SLC16A4: variants seen among roughly 807,000 people sequenced by gnomAD.
SLC16A4 encodes probable monocarboxylate transporter 5.
SLC16A4 carries 39 observed loss-of-function variants against 47.9 expected under a neutral mutation model. The ratio of observed to expected loss-of-function variants is 0.81; its 90% CI spans 0.63 to 1.06. SLC16A4 has a LOEUF of 1.06. Ranked by LOEUF, SLC16A4 falls within the 50% of genes least tolerant of loss-of-function variation. The pLI is 0.00. For synonymous variants in SLC16A4, 189 were observed against 199.9 expected (o/e 0.95, Z 0.46); for missense variants, 524 against 573.8 (o/e 0.91, Z 0.89).
rs148510648 is a variant in SLC16A4 at position 110,379,221 on chromosome 1, T to G, written c.662A>C (p.Glu221Ala). The G allele has an allele frequency of 1.5e-4, 235 of 1,614,102 alleles. No homozygotes were observed. The highest frequency in any genetic ancestry group is 8.2e-4 in the Middle Eastern group (5 of 6,084). ...GCAGTGTGTTTCTGTTGCATGTGCC[T>G]CTGGACCATGTGCAGACAAACTGCT... The part of the protein sequence containing the change: ...KGSSLSAHGP[E>A]AHATETHCHE... The change falls in exon 6 of 9, where the codon GAG (glutamate) becomes GCG (alanine). Residue 221 changes from glutamate to alanine, a missense_variant. Glu to Ala is a moderately radical substitution (Grantham distance 107). Transcript: ENST00000369779.
intron 8 of SLC16A4, chr1:110,372,702 G>A (rs982606786): frequency 3.3e-5 from 5 of 152,148 alleles, no homozygotes; most frequent in African/African-American, 1.2e-4. Flanking sequence ...AGCACGTCCT[G>A]GACTAAAAAT....
At chr1:110,374,547 G>A (rs1661878193) in intron 8 of SLC16A4, among the ~76,000 whole-genome samples, 1 of 152,222 alleles carries the variant, frequency 6.6e-6, no homozygotes, top group Non-Finnish European at 1.5e-5. Flanking sequence ...CCTGTGGTGT[G>A]TGAGAAACTA....
chr1:110,366,402 C>T (rs772080634), intron 8 of SLC16A4, among the ~76,000 whole-genome samples: 15 of 152,026 alleles, frequency 9.9e-5, no homozygotes, highest in African/African-American at 2.4e-4. Flanking sequence ...TCAGGTGATC[C>T]GCCTGCCTCA....
intron 1 of SLC16A4, among the ~76,000 whole-genome samples, 163 bp from the exon 2 acceptor site, chr1:110,389,518 A>T (rs1662917038): frequency 6.6e-6 from 1 of 152,244 alleles, no homozygotes; most frequent in Non-Finnish European, 1.5e-5. Flanking sequence ...CAAAAATTGA[A>T]CTACCATTTG....
chr1:110,386,160 G>C (rs181819092), intron 2 of SLC16A4, among the ~76,000 whole-genome samples: 1 of 152,156 alleles, frequency 6.6e-6, no homozygotes, highest in Non-Finnish European at 1.5e-5. Flanking sequence ...TGGTGTCTGC[G>C]TGTAGCAGCA....
intron 8 of SLC16A4, among the ~76,000 whole-genome samples, chr1:110,367,858 TCA>T (rs1661476084): frequency 6.6e-6 from 1 of 152,084 alleles, no homozygotes; most frequent in South Asian, 2.1e-4. Flanking sequence ...GAGAGGAATC[TCA>T]CTCTGTTGCC....
intron 2 of SLC16A4, among the ~76,000 whole-genome samples, chr1:110,385,071 C>T (rs912995784): frequency 6.6e-6 from 1 of 152,108 alleles, no homozygotes; most frequent in Non-Finnish European, 1.5e-5. Context: ...ATTCCACTTT[C>T]TCGGCCCGCC....
At chr1:110,380,677 G>A (rs1282583070) in intron 5 of SLC16A4, among the ~76,000 whole-genome samples, 1 of 151,990 alleles carries the variant, frequency 6.6e-6, no homozygotes, top group African/African-American at 2.4e-5. Context: ...CAGAAGTATC[G>A]CTTTTACTGC....
In SLC16A4 at chr1:110,373,676, ATTTTTTT is replaced by A. The variant is rs1237142099; in HGVS notation, c.1336+1775_1336+1781del. 4.4e-5 allele frequency among the ~76,000 whole-genome samples: 6 copies of A among 134,842 alleles called. No individual in the cohort carries two copies. In the South Asian group the frequency reaches 1.4e-3, roughly 32 times the overall value. The allele number at this position is 134,842 out of a possible 152,430, so 88.5% of individuals were successfully genotyped here. A position where few individuals can be genotyped will look rare whatever the true frequency, so the allele number is the denominator to read the frequency against. ...GGCATATTTTTTGTTCCCAGTAATA[ATTTTTTT>A]TTTTTTTTTTTTTGAGATGGGGTCT... On this transcript the variant is annotated intron_variant, in intron 8 of 8. Coordinates refer to ENST00000369779, the MANE Select transcript of SLC16A4 (RefSeq NM_004696.3).
chr1:110,364,385 T>C (rs746478740), intron 8 of SLC16A4, among the ~76,000 whole-genome samples: 11 of 151,920 alleles, frequency 7.2e-5, no homozygotes, highest in Middle Eastern at 3.4e-3. Flanking sequence ...ATAAATGATA[T>C]GTGATAAGTG....
chr1:110,371,812 C>T (rs906760311), intron 8 of SLC16A4: 3 of 152,120 alleles, frequency 2.0e-5, no homozygotes, highest in African/African-American at 4.8e-5. Context: ...GAAATTGTCA[C>T]TGAGTATTGG....
intron 8 of SLC16A4, among the ~76,000 whole-genome samples, chr1:110,368,403 A>G (rs1661508712): frequency 6.6e-6 from 1 of 152,232 alleles, no homozygotes; most frequent in Admixed American, 6.5e-5. Flanking sequence ...AGAATTATTA[A>G]GCTGAAGACC....
At chr1:110,376,900 A>C in intron 7 of SLC16A4, 50 bp downstream of exon 7, 1 of 1,439,632 alleles carries the variant, frequency 6.9e-7, no homozygotes, top group Non-Finnish European at 9.6e-7. Context: ...TGTTACTGAT[A>C]CTTGCTTTTA....
At chr1:110,382,174 T>C (rs1393834847) in intron 3 of SLC16A4, among the ~76,000 whole-genome samples, 2 of 152,132 alleles carry the variant, frequency 1.3e-5, no homozygotes, top group Non-Finnish European at 2.9e-5. Flanking sequence ...GTTCTATAAT[T>C]TGTTTTGAGG....
intron 8 of SLC16A4, among the ~76,000 whole-genome samples, chr1:110,364,891 A>G (rs1484707833): frequency 1.3e-5 from 2 of 150,356 alleles, no homozygotes; most frequent in Admixed American, 6.6e-5. Context: ...TAAGCGAAAC[A>G]CTTTTTTTTC....
At chr1:110,383,059 A>T (rs1662510094) in intron 2 of SLC16A4, 93 bp from the exon 3 acceptor site, 1 of 1,170,220 alleles carries the variant, frequency 8.5e-7, no homozygotes, top group Non-Finnish European at 1.2e-6. Flanking sequence ...CCCTCAGCTT[A>T]CTACTATTTA....
intron 3 of SLC16A4, 147 bp from the exon 4 acceptor site, chr1:110,381,942 C>G (rs1471881344): frequency 1.3e-6 from 1 of 775,924 alleles, no homozygotes; most frequent in Non-Finnish European, 2.0e-6. Flanking sequence ...ATTTTCATAT[C>G]GGGTTTCTTA....
chr1:110,373,768 G>T (rs753936973), intron 8 of SLC16A4, among the ~76,000 whole-genome samples: 4 of 148,738 alleles, frequency 2.7e-5, no homozygotes, highest in South Asian at 2.1e-4. Flanking sequence ...ACTCATTCCT[G>T]GGCTCAAGCA....
rs542273389 is a variant in SLC16A4 at position 110,380,058 on chromosome 1, C to CAAAAAAAAAAAAAAAAA, written c.527-703_527-702insTTTTTTTTTTTTTTTTT. On this transcript the variant is annotated intron_variant, in intron 5 of 8. Transcript: ENST00000369779. ...AATGACAAAGCGAGAGAGCCTGTCTCAAAAAAAAAAAAAAAGCAGCGGGAG... is the reference window on the plus strand; with the variant it reads ...AATGACAAAGCGAGAGAGCCTGTCTCAAAAAAAAAAAAAAAAAAAAAAAAAAAAAAAAGCAGCGGGAG... Among the ~76,000 whole-genome samples the CAAAAAAAAAAAAAAAAA allele has an allele frequency of 7.5e-4, 72 of 96,210 alleles. 6 individuals carry two copies. Among genetic ancestry groups the CAAAAAAAAAAAAAAAAA allele is most frequent in the East Asian group, 1.0e-3 (2 of 1,934 alleles). The allele number at this position is 96,210 out of a possible 152,430, so 63.1% of individuals were successfully genotyped here.
Sources: allele counts gnomAD v4.1 joint callset (sites outside exome capture counted in the v4.1 genomes callset), GRCh38; gene constraint gnomAD v4.1.1; transcripts MANE v1.5; gene names NCBI Gene and HGNC (gene_info 2026-07-23, HGNC 2026-07-21).